The following NFATC3 variants were observed in gnomAD, a reference collection of about 807,000 sequenced individuals.
NFATC3 encodes the protein nuclear factor of activated T cells 3.
NFATC3 carries 46 observed loss-of-function variants against 98.6 expected under a neutral mutation model. That is an observed-to-expected ratio of 0.47 (90% confidence interval 0.37 to 0.60). The LOEUF is 0.60. NFATC3 is among the 20% of genes least tolerant of loss of function. The pLI, the probability that NFATC3 is intolerant of heterozygous loss-of-function variation, is 0.00. For missense variants in NFATC3, 1,256 were observed against 1,295.5 expected (o/e 0.97, Z 0.47); for synonymous variants, 512 against 472.2 (o/e 1.08, Z -1.09).
At chr16:68,132,389 A>G (rs1404811920) in intron 3 of NFATC3, among the ~76,000 whole-genome samples, 1 of 152,234 alleles carries the variant, frequency 6.6e-6, no homozygotes, top group Non-Finnish European at 1.5e-5. Flanking sequence ...AGGAAGAGTA[A>G]TAAGTCAAGG....
intron 3 of NFATC3, among the ~76,000 whole-genome samples, chr16:68,151,530 T>G (rs2038318055): frequency 6.6e-6 from 1 of 152,202 alleles, no homozygotes; most frequent in African/African-American, 2.4e-5. Flanking sequence ...TATAAACATT[T>G]TCCTTATACA....
At chr16:68,179,810 A>G (rs184642507) in intron 6 of NFATC3, among the ~76,000 whole-genome samples, 1 of 152,346 alleles carries the variant, frequency 6.6e-6, no homozygotes, top group Non-Finnish European at 1.5e-5. Context: ...TGACAAGTCA[A>G]GGGATCCAAC....
intron 1 of NFATC3, among the ~76,000 whole-genome samples, chr16:68,093,627 T>C (rs1411865544): frequency 6.6e-6 from 1 of 152,340 alleles, no homozygotes; most frequent in South Asian, 2.1e-4. Context: ...TCCAGTGTTA[T>C]TGAGTACCTA....
intron 3 of NFATC3, among the ~76,000 whole-genome samples, chr16:68,134,297 C>A (rs7206792): frequency 6.6e-6 from 1 of 151,938 alleles, no homozygotes; most frequent in African/African-American, 2.4e-5. Flanking sequence ...AAGTATCTGG[C>A]ACTACAGGCA....
intron 9 of NFATC3, chr16:68,224,894 G>A (rs888522550): frequency 1.3e-5 from 2 of 152,058 alleles, no homozygotes; most frequent in Admixed American, 1.3e-4. Flanking sequence ...CAACTCAGTG[G>A]TTTTTAGTAT....
intron 8 of NFATC3, among the ~76,000 whole-genome samples, chr16:68,188,580 T>C (rs78195813): frequency 6.6e-6 from 1 of 152,224 alleles, no homozygotes; most frequent in Admixed American, 6.5e-5. Context: ...TAGTTGCTTG[T>C]TTTTTATTAA....
intron 1 of NFATC3, among the ~76,000 whole-genome samples, chr16:68,116,903 G>A (rs947427445): frequency 6.6e-6 from 1 of 151,890 alleles, no homozygotes; most frequent in Non-Finnish European, 1.5e-5. Context: ...AAAATAAGCA[G>A]TACGATTAGA....
In NFATC3 at chr16:68,227,603, C is replaced by G. The variant is rs1313592022; in HGVS notation, c.*1132C>G. Reference sequence around the variant, plus strand: ...ATTTATAGCCTGAAATGATTCTGGCCTACCCTGTCCTGTCTGTATGATCTA... The same window carrying G: ...ATTTATAGCCTGAAATGATTCTGGCGTACCCTGTCCTGTCTGTATGATCTA... On this transcript the variant is annotated 3_prime_UTR_variant, in exon 10 of 10. Coordinates refer to ENST00000346183, the MANE Select transcript of NFATC3 (RefSeq NM_173165.3). The G allele has an allele frequency of 6.6e-6, 1 of 152,152 alleles. No individual in the cohort carries two copies. The highest frequency in any genetic ancestry group is 1.5e-5 in the Non-Finnish European group (1 of 68,032). The allele number at this position is 152,152 out of a possible 1,614,324, so 9.4% of individuals were successfully genotyped here. A position where few individuals can be genotyped will look rare whatever the true frequency, so the allele number is the denominator to read the frequency against.
Position 68,226,364 on chromosome 16 carries a change from G to A in NFATC3, c.3121G>A (p.Gly1041Arg). The change falls in exon 10 of 10, where the codon GGG becomes AGG. Residue 1041 changes from glycine (G) to arginine (R), a missense_variant. Coordinates refer to ENST00000346183, the MANE Select transcript of NFATC3 (RefSeq NM_173165.3). ...TTGTTTTTCAGTGAACGAGATAATTGGGAGAGACATGTCCCAGATTTCTGT... is the reference window on the plus strand; with the variant it reads ...TTGTTTTTCAGTGAACGAGATAATTAGGAGAGACATGTCCCAGATTTCTGT... ...ITLDDVNEII[G>R]RDMSQISVSQ... 1 of 1,569,818 alleles carries A rather than the reference G, an allele frequency of 6.4e-7. No homozygotes were observed. The highest frequency in any genetic ancestry group is 8.6e-7 in the Non-Finnish European group (1 of 1,163,034).
chr16:68,137,036 A>G (rs1363832217), intron 3 of NFATC3, among the ~76,000 whole-genome samples: 1 of 152,208 alleles, frequency 6.6e-6, no homozygotes, highest in Non-Finnish European at 1.5e-5. Flanking sequence ...ACATTACTGT[A>G]CACTGCTGTA....
chr16:68,176,599 A>AT (rs1294209140), intron 6 of NFATC3, among the ~76,000 whole-genome samples: 2 of 152,154 alleles, frequency 1.3e-5, no homozygotes, highest in Non-Finnish European at 2.9e-5. Flanking sequence ...AAATTCTTAA[A>AT]TTTTTTTAAT....
At chr16:68,185,801 T>C (rs1876408106) in intron 8 of NFATC3, among the ~76,000 whole-genome samples, 1 of 148,744 alleles carries the variant, frequency 6.7e-6, no homozygotes, top group South Asian at 2.1e-4. Flanking sequence ...AGGTGGAGCT[T>C]TCAGTGAGCC....
intron 1 of NFATC3, among the ~76,000 whole-genome samples, chr16:68,107,407 G>A (rs796086640): frequency 4.6e-5 from 7 of 152,146 alleles, no homozygotes; most frequent in African/African-American, 1.7e-4. Context: ...GCCAACATCT[G>A]TTGTTTCTTG....
chr16:68,173,434 G>T (rs1036630641), intron 5 of NFATC3, among the ~76,000 whole-genome samples: 2 of 152,134 alleles, frequency 1.3e-5, no homozygotes, highest in Non-Finnish European at 2.9e-5. Flanking sequence ...GGGTATGGTG[G>T]CACATGCCTG....
At chr16:68,186,401 G>A (rs992304973) in intron 8 of NFATC3, among the ~76,000 whole-genome samples, 8 of 151,988 alleles carry the variant, frequency 5.3e-5, no homozygotes, top group East Asian at 1.9e-4. Flanking sequence ...TGAGCCGGGC[G>A]TGGTGTCGTG....
At chr16:68,204,999 T>A (rs1481276173) in intron 9 of NFATC3, among the ~76,000 whole-genome samples, 22 of 151,864 alleles carry the variant, frequency 1.4e-4, no homozygotes. Flanking sequence ...GGCTCTTTTT[T>A]TTTTTTTTTT....
At chr16:68,161,957 C>G (rs1244122505) in intron 4 of NFATC3, among the ~76,000 whole-genome samples, 1 of 152,180 alleles carries the variant, frequency 6.6e-6, no homozygotes, top group East Asian at 1.9e-4. Context: ...TTTACTAGCA[C>G]ATGGAACAAG....
chr16:68,085,818 C>A, intron 1 of NFATC3, 34 bp downstream of exon 1: 1 of 1,373,248 alleles, frequency 7.3e-7, no homozygotes. Flanking sequence ...CGTGGAGCGA[C>A]CCCGCTTCTC....
intron 3 of NFATC3, among the ~76,000 whole-genome samples, chr16:68,130,672 T>A (rs1392772243): frequency 6.6e-6 from 1 of 152,190 alleles, no homozygotes; most frequent in Admixed American, 6.5e-5. Flanking sequence ...ATTTCTCTGT[T>A]TTTATTGGCT....
Sources: gnomAD v4.1 joint callset for allele counts (sites outside exome capture counted in the v4.1 genomes callset) on GRCh38, gnomAD v4.1.1 for gene constraint, MANE v1.5 for transcripts, NCBI Gene and HGNC (gene_info 2026-07-23, HGNC 2026-07-21) for gene names.